The following ATP9B variants were observed in gnomAD, a reference collection of about 807,000 sequenced individuals.
ATP9B encodes ATPase phospholipid transporting 9B.
In ATP9B, 110 loss-of-function variants were observed where a neutral mutation model predicts 146.1. The ratio of observed to expected loss-of-function variants is 0.75; its 90% CI spans 0.65 to 0.88. The LOEUF (loss-of-function observed/expected upper bound fraction) is 0.88. Ranked by LOEUF, ATP9B falls within the 40% of genes least tolerant of loss-of-function variation. ATP9B has a pLI of 0.00. For synonymous variants in ATP9B, 604 were observed against 569.7 expected, an observed-to-expected ratio of 1.06 and a Z score of -0.86; for missense variants, 1,499 against 1,496.4, an observed-to-expected ratio of 1.00 and a Z score of -0.03.
chr18:79,273,897 A>G (rs765080331), intron 12 of ATP9B, among the ~76,000 whole-genome samples: 19 of 152,228 alleles, frequency 1.2e-4, no homozygotes, highest in Non-Finnish European at 2.4e-4. Context: ...AAACAGGTTC[A>G]TGTATCTTCC....
chr18:79,176,060 G>C (rs1194286875), intron 7 of ATP9B, among the ~76,000 whole-genome samples: 1 of 152,100 alleles, frequency 6.6e-6, no homozygotes, highest in African/African-American at 2.4e-5. Context: ...ACAGTGTATT[G>C]AGGTCATCTT....
At chr18:79,181,970 A>T (rs553514062) in intron 8 of ATP9B, among the ~76,000 whole-genome samples, 2 of 152,246 alleles carry the variant, frequency 1.3e-5, no homozygotes, top group South Asian at 4.1e-4. Flanking sequence ...TTTTTATTGT[A>T]TGCTGAGTAT....
intron 9 of ATP9B, chr18:79,194,456 A>G (rs555190707): frequency 6.6e-6 from 1 of 152,370 alleles, no homozygotes; most frequent in South Asian, 2.1e-4. Context: ...TGGCTGAAAA[A>G]CCTGGTTCAA....
rs536132280 is a variant in ATP9B, at chr18:79,167,009, G to A, written c.779-9804G>A. Among the ~76,000 whole-genome samples the A allele has an allele frequency of 1.4e-3, 220 of 152,240 alleles. 3 individuals carry two copies. Among genetic ancestry groups the A allele is most frequent in the African/African-American group, 5.0e-3 (206 of 41,534 alleles). ...GTGTGAGGCTGTGGCCAAATCAGGC[G>A]TTCCATAAGCGACTTCCACTGTGGG... On this transcript the variant is annotated intron_variant, in intron 7 of 29. Transcript: ENST00000426216.
chr18:79,091,322 G>A (rs756505219), intron 1 of ATP9B, among the ~76,000 whole-genome samples: 2 of 152,166 alleles, frequency 1.3e-5, no homozygotes, highest in Non-Finnish European at 2.9e-5. Flanking sequence ...TGTGAAGAAT[G>A]TCATTGGTAT....
At chr18:79,327,515 G>GTTAGCGTGCTCTCCGTGT (rs2096756589) in intron 15 of ATP9B, among the ~76,000 whole-genome samples, 1 of 115,300 alleles carries the variant, frequency 8.7e-6, no homozygotes, top group African/African-American at 3.7e-5. Flanking sequence ...TCTCTCCATG[G>GTTAGCGTGCTCTCCGTGT]TTAGCGTGCT....
At chr18:79,184,037 A>C (rs1224937354) in intron 8 of ATP9B, among the ~76,000 whole-genome samples, 1 of 152,124 alleles carries the variant, frequency 6.6e-6, no homozygotes, top group Non-Finnish European at 1.5e-5. Flanking sequence ...TAAATATTTC[A>C]AATTTTATTT....
intron 15 of ATP9B, among the ~76,000 whole-genome samples, chr18:79,313,515 C>T (rs1568653809): frequency 6.6e-6 from 1 of 152,162 alleles, no homozygotes; most frequent in Non-Finnish European, 1.5e-5. Context: ...ATATGAGAAA[C>T]CTAGACTAGA....
chr18:79,348,556 T>G (rs2096904923), intron 25 of ATP9B, among the ~76,000 whole-genome samples: 1 of 152,230 alleles, frequency 6.6e-6, no homozygotes, highest in African/African-American at 2.4e-5. Flanking sequence ...GGCTGGGGCT[T>G]CATCCTGTTG....
intron 17 of ATP9B, among the ~76,000 whole-genome samples, chr18:79,331,318 T>A (rs2096789029): frequency 6.6e-6 from 1 of 152,190 alleles, no homozygotes; most frequent in Non-Finnish European, 1.5e-5. Context: ...GTGAATAAAT[T>A]AAACTCCCTG....
rs116024854 is a variant in ATP9B, at chr18:79,315,982, G to A, written c.1773+8748G>A. Among the ~76,000 whole-genome samples the A allele has an allele frequency of 6.6e-3, 1,004 of 152,248 alleles. 6 individuals are homozygous for A. The highest frequency in any genetic ancestry group is 0.023 in the African/African-American group (939 of 41,528). On this transcript the variant is annotated intron_variant, in intron 15 of 29. Coordinates refer to ENST00000426216, the MANE Select transcript of ATP9B (RefSeq NM_198531.5). Reference sequence around the variant, plus strand: ...TATCAGAGAACTAGTCATTTGAAGTGTACTAAGCCTTTAAATTCTGGTCTT... The same window carrying A: ...TATCAGAGAACTAGTCATTTGAAGTATACTAAGCCTTTAAATTCTGGTCTT...
chr18:79,373,522 C>T (rs2097085306), intron 27 of ATP9B, among the ~76,000 whole-genome samples: 1 of 149,034 alleles, frequency 6.7e-6, no homozygotes, highest in Admixed American at 6.7e-5. Context: ...CAGAGTCTCG[C>T]TCTGTCACCC....
At chr18:79,178,333 G>A (rs1442928285) in intron 8 of ATP9B, among the ~76,000 whole-genome samples, 1 of 152,144 alleles carries the variant, frequency 6.6e-6, no homozygotes, top group East Asian at 1.9e-4. Flanking sequence ...TCATTCTGAC[G>A]GGTGTGCAGT....
intron 11 of ATP9B, among the ~76,000 whole-genome samples, chr18:79,250,511 G>A (rs1251771722): frequency 2.6e-5 from 4 of 152,140 alleles, no homozygotes; most frequent in Admixed American, 2.6e-4. Flanking sequence ...AACTTAGACC[G>A]CCTTTGTCAC....
intron 13 of ATP9B, 170 bp downstream of exon 13, chr18:79,277,366 C>T (rs1011164390): frequency 1.4e-6 from 1 of 696,910 alleles, no homozygotes; most frequent in African/African-American, 1.8e-5. Context: ...AACTGTCACA[C>T]AGCTTAATCA....
intron 15 of ATP9B, among the ~76,000 whole-genome samples, chr18:79,323,117 G>A (rs1232205052): frequency 2.0e-5 from 3 of 151,578 alleles, no homozygotes; most frequent in East Asian, 1.9e-4. Flanking sequence ...TCCGTTTATC[G>A]TTGCTTCGCG....
chr18:79,356,007 G>A (rs2096950420), intron 25 of ATP9B, among the ~76,000 whole-genome samples: 1 of 152,228 alleles, frequency 6.6e-6, no homozygotes, highest in African/African-American at 2.4e-5. Flanking sequence ...GTGTTGGCAA[G>A]ACTCGTGTCC....
At chr18:79,372,437 C>A (rs753213861) in intron 26 of ATP9B, 14 of 367,130 alleles carry the variant, frequency 3.8e-5, no homozygotes, top group South Asian at 6.3e-5. Flanking sequence ...TCTGAAAAAA[C>A]CAAACAGTAA....
chr18:79,140,510 C>A (rs2094500817), intron 5 of ATP9B, among the ~76,000 whole-genome samples: 1 of 152,010 alleles, frequency 6.6e-6, no homozygotes, highest in South Asian at 2.1e-4. Flanking sequence ...CACGGTGGCT[C>A]ATGCCTGTAA....
Sources: gnomAD v4.1 joint callset for allele counts (sites outside exome capture counted in the v4.1 genomes callset) on GRCh38, gnomAD v4.1.1 for gene constraint, MANE v1.5 for transcripts, NCBI Gene and HGNC (gene_info 2026-07-23, HGNC 2026-07-21) for gene names.